GCA: variants seen among roughly 807,000 people sequenced by gnomAD.
GCA encodes the protein grancalcin, EF-hand calcium-binding protein.
A neutral mutation model predicts 32.6 loss-of-function variants in GCA; 30 were observed. That is an observed-to-expected ratio of 0.92 (90% CI 0.69 to 1.25). GCA has a LOEUF of 1.25. Ranked by LOEUF, GCA falls within the 50% of genes most tolerant of loss-of-function variation. The pLI, the probability that GCA is intolerant of heterozygous loss-of-function variation, is 0.00. For missense variants in GCA, 291 were observed against 266.8 expected (o/e 1.09, Z -0.63); for synonymous variants, 102 against 84.6 (o/e 1.21, Z -1.13).
intron 1 of GCA, among the ~76,000 whole-genome samples, chr2:162,330,317 C>T (rs544423766): frequency 6.5e-4 from 99 of 152,260 alleles, no homozygotes; most frequent in African/African-American, 2.1e-3. Flanking sequence ...CCTTTTTCTC[C>T]GTAACCTTGC....
chr2:162,344,287 C>T lies in GCA; in HGVS notation c.27+12C>T, dbSNP rs769494743. On this transcript the variant is annotated intron_variant, in intron 1 of 7. Coordinates refer to ENST00000437150, the MANE Select transcript of GCA (RefSeq NM_012198.5). Reference sequence around the variant, plus strand: ...GATACGGAGGAGGGGTGAGTCCCAGCCGCTTGGTCGTGTCCCTCTTCCTCG... The same window carrying T: ...GATACGGAGGAGGGGTGAGTCCCAGTCGCTTGGTCGTGTCCCTCTTCCTCG... 3 of 1,613,184 alleles carry T rather than the reference C, an allele frequency of 1.9e-6. No homozygotes were observed. The highest frequency in any genetic ancestry group is 1.7e-5 in the Admixed American group (1 of 59,980).
intron 5 of GCA, among the ~76,000 whole-genome samples, chr2:162,357,794 T>C (rs888580843): frequency 5.9e-5 from 9 of 151,634 alleles, no homozygotes; most frequent in African/African-American, 2.2e-4. Flanking sequence ...ATGTAATCTT[T>C]GGCAGAAAAG....
chr2:162,324,512 G>A (rs567926138), intron 1 of GCA, among the ~76,000 whole-genome samples: 1 of 152,310 alleles, frequency 6.6e-6, no homozygotes, highest in South Asian at 2.1e-4. Context: ...AGCCTCCTAT[G>A]TGTTTTTCTA....
exon 5 of GCA, chr2:162,371,361 C>A (rs1391472457): frequency 7.8e-7 from 1 of 1,288,618 alleles, no homozygotes; most frequent in Non-Finnish European, 1.0e-6. Context: ...AGACCTGAAT[C>A]TGTGTGCAAA....
At position 162,361,454 on chromosome 2, in the gene GCA, G is replaced by A; in HGVS notation, c.*1211G>A. On this transcript the variant is annotated 3_prime_UTR_variant, in exon 8 of 8. Coordinates refer to ENST00000437150, the MANE Select transcript of GCA (RefSeq NM_012198.5). ...TGTGTATTTTCTAACCTAACAGTGA[G>A]TGACATAATTTTATGACTGCTGACC... 5.1e-6 allele frequency: 5 copies of A among 977,544 alleles called. No individual in the cohort carries two copies. Among genetic ancestry groups the A allele is most frequent in the Non-Finnish European group, 6.1e-6 (5 of 823,060 alleles). 60.6% of individuals were successfully genotyped at this position (977,544 alleles called of 1,614,324 possible).
intron 1 of GCA, among the ~76,000 whole-genome samples, chr2:162,320,380 A>G (rs1490686832): frequency 6.6e-6 from 1 of 152,258 alleles, no homozygotes; most frequent in Non-Finnish European, 1.5e-5. Flanking sequence ...TTGCAAAAAC[A>G]TACTCCTATC....
chr2:162,366,579 T>C (rs1240941731), downstream of GCA, among the ~76,000 whole-genome samples: 1 of 151,920 alleles, frequency 6.6e-6, no homozygotes, highest in African/African-American at 2.4e-5. Flanking sequence ...TATTCTACTG[T>C]TGGGCACTGA....
chr2:162,334,261 T>C lies in GCA; in HGVS notation c.-30-13317T>C, dbSNP rs548269778. Among the ~76,000 whole-genome samples the C allele has an allele frequency of 2.6e-5, 4 of 151,800 alleles. No individual in the cohort carries two copies. The South Asian group carries it at 8.3e-4, about 32-fold the overall frequency. ...ACAAAATTGTAACTATGTACAATTA[T>C]AGATTTTTTTTTTTGCTGGTTAACA... On this transcript the variant is annotated intron_variant, in intron 1 of 4. Transcript: ENST00000429691.
intron 1 of GCA, among the ~76,000 whole-genome samples, chr2:162,328,218 CA>C (rs35156397): frequency 0.45 from 40,625 of 90,194 alleles, 7,814 homozygotes; most frequent in Non-Finnish European, 0.55. Context: ...CTGTTTCTAC[CA>C]AAAAAAAAAA....
intron 1 of GCA, among the ~76,000 whole-genome samples, chr2:162,320,241 TC>T: frequency 6.6e-6 from 1 of 152,206 alleles, no homozygotes; most frequent in Non-Finnish European, 1.5e-5. Flanking sequence ...AGAACCCTAC[TC>T]CTTTTTCACT....
intron 2 of GCA, among the ~76,000 whole-genome samples, chr2:162,352,013 A>T (rs1366966642): frequency 6.6e-6 from 1 of 152,250 alleles, no homozygotes; most frequent in East Asian, 1.9e-4. Context: ...ACTTTTCTGA[A>T]CACATTTTAG....
intron 1 of GCA, among the ~76,000 whole-genome samples, chr2:162,337,678 T>C (rs1043717191): frequency 1.7e-4 from 26 of 152,360 alleles, no homozygotes; most frequent in African/African-American, 6.3e-4. Flanking sequence ...TCTACATTAG[T>C]ACCTATCACA....
rs143029655 is a variant in GCA, at chr2:162,325,866, G to C, written c.-31+6641G>C. Among the ~76,000 whole-genome samples the C allele has an allele frequency of 6.6e-5, 10 of 152,062 alleles. No homozygotes were observed. The East Asian group carries it at 1.7e-3, about 26-fold the overall frequency. ...CAGGGTCATCTGAAAACTTGCCAAG[G>C]TCCCCCTTCATTTGCGTTAAGTCCT... On this transcript the variant is annotated intron_variant, in intron 1 of 4. Coordinates refer to the GCA transcript ENST00000429691.
At chr2:162,364,442 C>T (rs1015187946), downstream of GCA, among the ~76,000 whole-genome samples, 11 of 151,444 alleles carry the variant, frequency 7.3e-5, no homozygotes, top group Non-Finnish European at 1.2e-4. Flanking sequence ...AGATAATTTA[C>T]GGTAAGTTCT....
intron 1 of GCA, among the ~76,000 whole-genome samples, chr2:162,321,215 A>G (rs978341990): frequency 4.6e-5 from 7 of 151,988 alleles, no homozygotes; most frequent in African/African-American, 7.3e-5. Context: ...CACTTGAGTA[A>G]TTAATTGTTT....
In GCA at chr2:162,361,672, G is replaced by C. The variant is rs998943163; in HGVS notation, c.*1429G>C. ...ATATAATTTGCTGTCAAATTCACTT[G>C]GTCAGTTTTATAAAAATGTGTGAAT... On this transcript the variant is annotated 3_prime_UTR_variant, in exon 8 of 8. Coordinates refer to ENST00000437150, the MANE Select transcript of GCA (RefSeq NM_012198.5). 4 of 983,848 alleles carry C rather than the reference G, an allele frequency of 4.1e-6. No homozygotes were observed. In the Admixed American group the frequency reaches 1.9e-4, roughly 46 times the overall value. 60.9% of individuals were successfully genotyped at this position (983,848 alleles called of 1,614,324 possible).
intron 1 of GCA, among the ~76,000 whole-genome samples, chr2:162,323,876 T>C (rs1378189298): frequency 6.6e-6 from 1 of 150,774 alleles, no homozygotes; most frequent in Admixed American, 6.6e-5. Context: ...GGCTTAGGAT[T>C]GACTTGGCGA....
At chr2:162,328,302 G>T (rs1401417980) in intron 1 of GCA, among the ~76,000 whole-genome samples, 1 of 150,988 alleles carries the variant, frequency 6.6e-6, no homozygotes, top group Admixed American at 6.6e-5. Flanking sequence ...TGAGGCAGGA[G>T]AATTGCTTGA....
Position 162,360,214 on chromosome 2 carries a change from T to G in GCA, c.628-3T>G. ...ATAGATAATAATTTCACTTATGTAT[T>G]AGTTTTTGCAGGGCACTATGGCAAT... is the stretch of plus-strand genomic sequence containing the variant. On this transcript the variant is annotated splice_polypyrimidine_tract_variant and splice_region_variant and intron_variant, in intron 7 of 7. Transcript: ENST00000437150. 6.7e-7 allele frequency: 1 copy of G among 1,495,708 alleles called. No individual in the cohort carries two copies. The highest frequency in any genetic ancestry group is 9.3e-7 in the Non-Finnish European group (1 of 1,080,640). 92.7% of individuals were successfully genotyped at this position (1,495,708 alleles called of 1,614,324 possible). A position where few individuals can be genotyped will look rare whatever the true frequency, so the allele number is the denominator to read the frequency against.
Sources: gnomAD v4.1 joint callset for allele counts (sites outside exome capture counted in the v4.1 genomes callset) on GRCh38, gnomAD v4.1.1 for gene constraint, MANE v1.5 for transcripts, NCBI Gene and HGNC (gene_info 2026-07-23, HGNC 2026-07-21) for gene names.